Variants in MXI1 observed in about 807,000 individuals in gnomAD.
MXI1 encodes the protein max-interacting protein 1.
A neutral mutation model predicts 36.9 loss-of-function variants in MXI1; 18 were observed. That is an observed-to-expected ratio of 0.49 (90% CI 0.34 to 0.72). The LOEUF is 0.72. Among genes scored for constraint, MXI1 ranks in the 30% least tolerant of loss-of-function variants. MXI1 has a pLI of 0.01. For synonymous variants in MXI1, 160 were observed against 146.7 expected (o/e 1.09, Z -0.65); for missense variants, 304 against 379.1 (o/e 0.80, Z 1.64).
intron 5 of MXI1, among the ~76,000 whole-genome samples, chr10:110,284,353 A>G (rs1404812841): frequency 1.3e-5 from 2 of 152,174 alleles, no homozygotes; most frequent in African/African-American, 2.4e-5. Context: ...CTGTTGAACT[A>G]TCTGTAGAAT....
At chr10:110,211,188 T>C (rs11817969) in intron 1 of MXI1, among the ~76,000 whole-genome samples, 1,790 of 152,060 alleles carry the variant, frequency 0.012, 36 homozygotes, top group African/African-American at 0.039. Flanking sequence ...GATCTCGGTT[T>C]CTCCGCCTTC....
intron 3 of MXI1, among the ~76,000 whole-genome samples, chr10:110,267,920 T>C (rs1371199998): frequency 6.6e-6 from 1 of 152,214 alleles, no homozygotes; most frequent in South Asian, 2.1e-4. Flanking sequence ...GTCCTTCATA[T>C]GCCTTTTGTT....
intron 2 of MXI1, among the ~76,000 whole-genome samples, chr10:110,240,992 T>G (rs181683267): frequency 6.0e-4 from 91 of 152,102 alleles, no homozygotes; most frequent in Middle Eastern, 3.4e-3. Flanking sequence ...TTTCGTATAG[T>G]TTCATTTCTA....
At chr10:110,226,419 T>TGCGCGCGTGAGGGTAGAGGA (rs1854973455) in intron 1 of MXI1, 3 of 676,042 alleles carry the variant, frequency 4.4e-6, no homozygotes, top group Non-Finnish European at 5.1e-6. Context: ...GGGAGGGGTG[T>TGCGCGCGTGAGGGTAGAGGA]GCGCGCGTGA....
intron 3 of MXI1, among the ~76,000 whole-genome samples, chr10:110,254,567 A>G (rs751204882): frequency 6.6e-6 from 1 of 152,212 alleles, no homozygotes; most frequent in Non-Finnish European, 1.5e-5. Context: ...GGATAGACTG[A>G]AAGCTAGATC....
At position 110,208,753 on chromosome 10, in the gene MXI1, C is replaced by CA. The variant is rs1274051103; in HGVS notation, c.274+674dup. Among the ~76,000 whole-genome samples, 3 of 145,438 alleles carry CA rather than the reference C, an allele frequency of 2.1e-5. No homozygotes were observed. In the South Asian group the frequency reaches 6.7e-4, roughly 32 times the overall value. The stretch of plus-strand genomic sequence containing the variant: ...GGTGCCACCGCCGCCCCCCCCCCCC[C>CA]AAAGAAGGAGGCCGGCGGGGCCAAG... On this transcript the variant is annotated intron_variant, in intron 1 of 5. Coordinates refer to ENST00000332674, the MANE Select transcript of MXI1 (RefSeq NM_130439.3).
intron 1 of MXI1, chr10:110,225,964 C>T: frequency 1.0e-6 from 1 of 962,490 alleles, no homozygotes; most frequent in Non-Finnish European, 1.2e-6. Context: ...CGGCGCTGCT[C>T]CCGCCCCTCC....
chr10:110,222,755 G>A (rs1001718296), intron 1 of MXI1, among the ~76,000 whole-genome samples: 1 of 152,306 alleles, frequency 6.6e-6, no homozygotes, highest in Non-Finnish European at 1.5e-5. Flanking sequence ...TAGTTCATCG[G>A]AACAAAAGAA....
intron 1 of MXI1, among the ~76,000 whole-genome samples, chr10:110,224,668 T>G (rs1470929665): frequency 6.9e-6 from 1 of 145,758 alleles, no homozygotes; most frequent in African/African-American, 2.6e-5. Flanking sequence ...TGAGACTGAG[T>G]CTTGCTCTGT....
Position 110,285,642 on chromosome 10 carries a change from C to T in MXI1, c.*655C>T, listed in dbSNP as rs538641095. 2.0e-5 allele frequency: 3 copies of T among 152,186 alleles called. No individual in the cohort carries two copies. The highest frequency in any genetic ancestry group is 4.4e-5 in the Non-Finnish European group (3 of 68,034). The allele number at this position is 152,186 out of a possible 1,614,324, so 9.4% of individuals were successfully genotyped here. A position where few individuals can be genotyped will look rare whatever the true frequency, so the allele number is the denominator to read the frequency against. ...ACTTTCTGTTGGATTCCATGCTAAG[C>T]AAGCTAACCTTATCCTGCATTGTTA... On this transcript the variant is annotated 3_prime_UTR_variant, in exon 6 of 6. Transcript: ENST00000332674.
chr10:110,284,964 G>A lies in MXI1; in HGVS notation c.865G>A (p.Val289Ile). 6.2e-7 allele frequency: 1 copy of A among 1,612,590 alleles called. No homozygotes were observed. Among genetic ancestry groups the A allele is most frequent in the South Asian group, 1.1e-5 (1 of 90,644 alleles). ...TGACGAGGGTTACTCCAGTGCCAGT[G>A]TCAAACTTTCATTCACTTCATAGAA... is the stretch of plus-strand genomic sequence containing the variant. ...GSDEGYSSAS[V>I]KLSFTS is the part of the protein sequence containing the mutation. The change falls in exon 6 of 6, where the codon GTC becomes ATC. Residue 289 changes from valine to isoleucine, a missense_variant. Transcript: ENST00000332674.
At position 110,282,237 on chromosome 10, in the gene MXI1, G is replaced by C. The variant is rs1857277683; in HGVS notation, c.724+2152G>C. Among the ~76,000 whole-genome samples the C allele has an allele frequency of 2.6e-5, 4 of 152,186 alleles. No homozygotes were observed. In the South Asian group the frequency reaches 8.3e-4, roughly 32 times the overall value. Reference sequence around the variant, plus strand: ...ACTGAATGTGTTCCAATCCATTGCAGTCATCCTTTTAAATTCTTTTGAATG... The same window carrying C: ...ACTGAATGTGTTCCAATCCATTGCACTCATCCTTTTAAATTCTTTTGAATG... On this transcript the variant is annotated intron_variant, in intron 5 of 5. Transcript: ENST00000332674.
chr10:110,261,339 A>C (rs2134430534), intron 3 of MXI1, among the ~76,000 whole-genome samples: 2 of 151,956 alleles, frequency 1.3e-5, no homozygotes, highest in Middle Eastern at 3.4e-3. Context: ...CTAGATAGTT[A>C]TGCTGTGTTT....
chr10:110,218,662 C>G (rs893468485), intron 1 of MXI1, among the ~76,000 whole-genome samples: 1 of 152,144 alleles, frequency 6.6e-6, no homozygotes, highest in African/African-American at 2.4e-5. Context: ...CTGCTTGCAC[C>G]TGCAGTAGTA....
intron 1 of MXI1, among the ~76,000 whole-genome samples, chr10:110,227,100 CGTGT>C (rs1324204977): frequency 5.3e-5 from 2 of 37,876 alleles, no homozygotes; most frequent in African/African-American, 2.4e-4. Flanking sequence ...GAGGGCCATG[CGTGT>C]GTGTGAGGGC....
chr10:110,285,897 T>C lies in MXI1; in HGVS notation c.*910T>C, dbSNP rs965743657. The C allele has an allele frequency of 6.6e-6, 1 of 152,602 alleles. No homozygotes were observed. The highest frequency in any genetic ancestry group is 1.5e-5 in the Non-Finnish European group (1 of 68,036). The allele number at this position is 152,602 out of a possible 1,614,324, so 9.5% of individuals were successfully genotyped here. A position where few individuals can be genotyped will look rare whatever the true frequency, so the allele number is the denominator to read the frequency against. Reference sequence around the variant, plus strand: ...CATTTTTATTTCAGATTTTGATAACTGTTTATATGTGTTGAAAACCAAAAT... The same window carrying C: ...CATTTTTATTTCAGATTTTGATAACCGTTTATATGTGTTGAAAACCAAAAT... On this transcript the variant is annotated 3_prime_UTR_variant, in exon 6 of 6. Coordinates refer to ENST00000332674, the MANE Select transcript of MXI1 (RefSeq NM_130439.3).
At chr10:110,278,701 GGTGTGTGT>G (rs368265649) in intron 3 of MXI1, among the ~76,000 whole-genome samples, 11 of 116,024 alleles carry the variant, frequency 9.5e-5, no homozygotes, top group South Asian at 3.5e-4. Context: ...AGAGAGGTAG[GGTGTGTGT>G]GTGTGTGTGT....
At chr10:110,235,373 T>A (rs1015563498) in intron 2 of MXI1, among the ~76,000 whole-genome samples, 11 of 152,050 alleles carry the variant, frequency 7.2e-5, no homozygotes, top group Non-Finnish European at 7.4e-5. Flanking sequence ...CTCAGTTTCA[T>A]GATGAGGTTT....
intron 3 of MXI1, among the ~76,000 whole-genome samples, chr10:110,254,002 A>T (rs1856193131): frequency 1.3e-5 from 2 of 152,058 alleles, no homozygotes; most frequent in Admixed American, 1.3e-4. Context: ...GGGCAGTTAG[A>T]TAAGAAAAAA....
Sources: gnomAD v4.1 joint callset for allele counts (sites outside exome capture counted in the v4.1 genomes callset) on GRCh38, gnomAD v4.1.1 for gene constraint, MANE v1.5 for transcripts, NCBI Gene and HGNC (gene_info 2026-07-23, HGNC 2026-07-21) for gene names.